The following CCDC7 variants were observed in gnomAD, a reference collection of about 807,000 sequenced individuals.
CCDC7 encodes the protein coiled-coil domain-containing protein 7.
Under a neutral mutation model 196.9 loss-of-function variants are expected in CCDC7, and 183 were observed. The ratio of observed to expected loss-of-function variants is 0.93; its 90% CI spans 0.82 to 1.05. The LOEUF (loss-of-function observed/expected upper bound fraction) is 1.05, where lower values mean the gene tolerates loss of function less well. Ranked by LOEUF, CCDC7 falls within the 50% of genes least tolerant of loss-of-function variation. CCDC7 has a pLI of 0.00. For missense variants in CCDC7, 1,540 were observed against 1,482.2 expected (o/e 1.04, Z -0.64); for synonymous variants, 525 against 484.6 (o/e 1.08, Z -1.10).
chr10:32,528,508 G>A (rs1308679015), intron 11 of CCDC7, among the ~76,000 whole-genome samples: 2 of 151,244 alleles, frequency 1.3e-5, no homozygotes, highest in Non-Finnish European at 2.9e-5. Context: ...ACGGTGTTTG[G>A]TTTTCGATTC....
At chr10:32,707,963 A>G (rs1392789084) in intron 24 of CCDC7, among the ~76,000 whole-genome samples, 3 of 152,174 alleles carry the variant, frequency 2.0e-5, no homozygotes, top group African/African-American at 7.2e-5. Flanking sequence ...CAGAATTGGA[A>G]AAAACTACTT....
At chr10:32,749,272 C>G (rs925794419) in intron 28 of CCDC7, among the ~76,000 whole-genome samples, 3 of 152,116 alleles carry the variant, frequency 2.0e-5, no homozygotes, top group African/African-American at 7.2e-5. Flanking sequence ...ACATGTTAGA[C>G]TGGAAATTGG....
chr10:32,731,156 G>T (rs529998547), intron 28 of CCDC7, among the ~76,000 whole-genome samples: 5 of 152,024 alleles, frequency 3.3e-5, no homozygotes. Flanking sequence ...ATTTTCCTTT[G>T]AACTCTGCCT....
At chr10:32,846,100 T>G (rs1354466140) in intron 36 of CCDC7, 141 bp downstream of exon 37, 2 of 763,394 alleles carry the variant, frequency 2.6e-6, no homozygotes, top group Non-Finnish European at 4.5e-6. Context: ...AGACATATAA[T>G]AAAGGGACTA....
intron 20 of CCDC7, among the ~76,000 whole-genome samples, chr10:32,656,086 G>A (rs1260594376): frequency 2.0e-5 from 3 of 151,582 alleles, no homozygotes. Flanking sequence ...TTGCTTTTGG[G>A]GTTGTATTAA....
At chr10:32,596,389 AG>A (rs2060359832) in intron 18 of CCDC7, among the ~76,000 whole-genome samples, 1 of 152,046 alleles carries the variant, frequency 6.6e-6, no homozygotes, top group Non-Finnish European at 1.5e-5. Flanking sequence ...TTTGCTTGGT[AG>A]ATCTTCCTCC....
At chr10:32,828,553 AAGAAGAAAG>A (rs1370356433) in intron 32 of CCDC7, among the ~76,000 whole-genome samples, 164 of 148,298 alleles carry the variant, frequency 1.1e-3, no homozygotes, top group Non-Finnish European at 1.8e-3. Context: ...GAAGAAGAAG[AAGAAGAAAG>A]AAGAAGAAGA....
At chr10:32,534,022 C>T (rs1365636049) in intron 11 of CCDC7, among the ~76,000 whole-genome samples, 4 of 152,054 alleles carry the variant, frequency 2.6e-5, no homozygotes, top group East Asian at 1.9e-4. Context: ...CTCTCTTGAA[C>T]ACCAATAATT....
At position 32,711,729 on chromosome 10, in the gene CCDC7, C is replaced by CAGTA; in HGVS notation, c.2569+4_2569+7dup. On this transcript the variant is annotated frameshift_variant and splice_region_variant, in exon 25 of 42. Transcript: ENST00000639629. LOFTEE classifies it high-confidence loss of function. ...AAACTTCTGAAGGAGAAGGACGTAG[C>CAGTA]AGTAAGTATAATGATGATAGCTATT... 1 of 1,530,532 alleles carries CAGTA rather than the reference C, an allele frequency of 6.5e-7. No homozygotes were observed. Among genetic ancestry groups the CAGTA allele is most frequent in the African/African-American group, 1.4e-5 (1 of 71,504 alleles). 94.8% of individuals were successfully genotyped at this position (1,530,532 alleles called of 1,614,324 possible).
rs59662474 is a variant in CCDC7 at position 32,850,774 on chromosome 10, A to AACACACACACAC, written c.3896-999_3896-988dup. On this transcript the variant is annotated intron_variant, in intron 39 of 41. Coordinates refer to ENST00000639629, the Ensembl canonical transcript of CCDC7. ...TTTTGAAATGTCACTTGTCTCTGACAACACACACACACACACACACACACA... is the reference window on the plus strand; with the variant it reads ...TTTTGAAATGTCACTTGTCTCTGACAACACACACACACACACACACACACACACACACACACA... 8.4e-4 allele frequency among the ~76,000 whole-genome samples: 123 copies of AACACACACACAC among 146,808 alleles called. 1 individual carries two copies. In the Middle Eastern group the frequency reaches 0.014, roughly 17 times the overall value.
At chr10:32,452,054 G>A (rs1396210189) in intron 1 of CCDC7, 133 bp downstream of exon 2, 3 of 1,265,372 alleles carry the variant, frequency 2.4e-6, no homozygotes, top group Non-Finnish European at 2.1e-6. Context: ...AGGCACATGA[G>A]GTGAAATTAG....
chr10:32,563,409 G>T lies in CCDC7; in HGVS notation c.1135-2149G>T, dbSNP rs190508191. 2.5e-3 allele frequency among the ~76,000 whole-genome samples: 381 copies of T among 152,282 alleles called. 1 individual carries two copies. The highest frequency in any genetic ancestry group is 3.2e-3 in the Non-Finnish European group (219 of 68,034). ...ACGTGACTTCCAACTATACTACAAGGCTACAGTAACCAAAACAGCATGGTA... is the reference window on the plus strand; with the variant it reads ...ACGTGACTTCCAACTATACTACAAGTCTACAGTAACCAAAACAGCATGGTA... On this transcript the variant is annotated intron_variant, in intron 13 of 41. Transcript: ENST00000639629.
At chr10:32,567,079 A>ATT (rs2056936904) in intron 14 of CCDC7, among the ~76,000 whole-genome samples, 1 of 145,944 alleles carries the variant, frequency 6.9e-6, no homozygotes, top group South Asian at 2.1e-4. Flanking sequence ...TATAATATAT[A>ATT]TTATATATAT....
downstream of CCDC7, among the ~76,000 whole-genome samples, chr10:32,879,666 A>T (rs2094717414): frequency 6.6e-6 from 1 of 152,078 alleles, no homozygotes; most frequent in Non-Finnish European, 1.5e-5. Context: ...CCTAGGTATT[A>T]AGCCTCGCAT....
chr10:32,828,473 GGAAGAGGAAGAGGAAGAAGAAGAA>G (rs1565633795), intron 32 of CCDC7, among the ~76,000 whole-genome samples: 6 of 45,410 alleles, frequency 1.3e-4, no homozygotes, highest in Non-Finnish European at 3.1e-4. Flanking sequence ...AAGAGGAAGA[GGAAGAGGAAGAGGAAGAAGAAGAA>G]GAAGAAGAAG....
chr10:32,711,633 AT>A lies in CCDC7; in HGVS notation c.2473del (p.Ser825GlnfsTer20). 6.3e-7 allele frequency: 1 copy of A among 1,585,904 alleles called. No homozygotes were observed. Among genetic ancestry groups the A allele is most frequent in the East Asian group, 2.3e-5 (1 of 43,650 alleles). On this transcript the variant is annotated frameshift_variant, in exon 25 of 42. Coordinates refer to ENST00000639629, the Ensembl canonical transcript of CCDC7. LOFTEE classifies it high-confidence loss of function. ...CTCTTAACATAGCTCATGATGAAGA[AT>A]CAGGTGAAAATCCTATGCTTAAACA... is the stretch of plus-strand genomic sequence containing the variant.
intron 9 of CCDC7, among the ~76,000 whole-genome samples, chr10:32,508,229 G>A (rs1048200064): frequency 2.6e-5 from 4 of 152,082 alleles, no homozygotes; most frequent in Non-Finnish European, 5.9e-5. Context: ...TACAAAATCA[G>A]CATCCCCATA....
intron 29 of CCDC7, among the ~76,000 whole-genome samples, chr10:32,796,281 GGA>G (rs1178295462): frequency 2.6e-5 from 4 of 151,996 alleles, no homozygotes; most frequent in African/African-American, 9.7e-5. Flanking sequence ...TGGGGGAAAG[GGA>G]GTAAAGCCAG....
At chr10:32,803,074 A>G (rs1446382393) in intron 29 of CCDC7, among the ~76,000 whole-genome samples, 1 of 152,228 alleles carries the variant, frequency 6.6e-6, no homozygotes, top group Non-Finnish European at 1.5e-5. Flanking sequence ...ATTTGAGAAG[A>G]TAACTGATAT....
Sources: gnomAD v4.1 joint callset for allele counts (sites outside exome capture counted in the v4.1 genomes callset) on GRCh38, gnomAD v4.1.1 for gene constraint, MANE v1.5 for transcripts, NCBI Gene and HGNC (gene_info 2026-07-23, HGNC 2026-07-21) for gene names.